Variants in GLIS3 observed in about 807,000 individuals in gnomAD.
GLIS3 encodes the protein zinc finger protein GLIS3.
A neutral mutation model predicts 78.6 loss-of-function variants in GLIS3; 53 were observed. The observed-to-expected ratio is 0.67, with a 90% CI of 0.54 to 0.85. The LOEUF is 0.85. Ranked by LOEUF, GLIS3 falls within the 40% of genes least tolerant of loss-of-function variation. The pLI is 0.00. For missense variants in GLIS3, 1,703 were observed against 1,231.1 expected, an observed-to-expected ratio of 1.38 and a Z score of -5.74; for synonymous variants, 684 against 509.9, an observed-to-expected ratio of 1.34 and a Z score of -4.60.
At chr9:4,427,814 G>A in the GLIS3 span, among the ~76,000 whole-genome samples, 41,758 of 151,436 alleles carry the variant, frequency 0.28, 6,065 homozygotes, top group East Asian at 0.42. Context: ...AGCCAAGATT[G>A]TGCCACTGCA....
At chr9:4,389,009 A>G in the GLIS3 span, among the ~76,000 whole-genome samples, 10 of 152,292 alleles carry the variant, frequency 6.6e-5, no homozygotes, top group South Asian at 6.2e-4. Flanking sequence ...AGGGGATTCT[A>G]TATACAAAAT....
chr9:3,843,651 T>A (rs1320298639), intron 9 of GLIS3, among the ~76,000 whole-genome samples: 1 of 152,220 alleles, frequency 6.6e-6, no homozygotes, highest in East Asian at 1.9e-4. Context: ...GTAAGAGTGA[T>A]TTATAAAACA....
At chr9:4,131,053 T>A (rs760542036) in intron 2 of GLIS3, among the ~76,000 whole-genome samples, 5 of 152,176 alleles carry the variant, frequency 3.3e-5, no homozygotes, top group Non-Finnish European at 5.9e-5. Context: ...TAAGATTTAA[T>A]GACTGCCCTA....
intron 6 of GLIS3, among the ~76,000 whole-genome samples, chr9:3,930,590 T>A (rs2130771405): frequency 6.6e-6 from 1 of 152,312 alleles, no homozygotes; most frequent in African/African-American, 2.4e-5. Flanking sequence ...CCTGAAAATA[T>A]CCCCTGTTAT....
intron 2 of GLIS3, among the ~76,000 whole-genome samples, chr9:4,148,222 T>C (rs1346146050): frequency 6.6e-6 from 1 of 152,194 alleles, no homozygotes; most frequent in East Asian, 1.9e-4. Context: ...TTACTAATTA[T>C]TGCTGATTCT....
intron 2 of GLIS3, among the ~76,000 whole-genome samples, chr9:4,324,016 T>C (rs181722355): frequency 1.3e-5 from 2 of 152,340 alleles, no homozygotes; most frequent in African/African-American, 4.8e-5. Flanking sequence ...TCTGGTCTTT[T>C]TGGGACCCTT....
At chr9:4,090,600 C>T (rs1021234466) in intron 4 of GLIS3, among the ~76,000 whole-genome samples, 9 of 152,164 alleles carry the variant, frequency 5.9e-5, no homozygotes, top group Non-Finnish European at 1.0e-4. Context: ...CAACTGGAAA[C>T]GCTCAGGGTG....
intron 6 of GLIS3, among the ~76,000 whole-genome samples, chr9:3,923,126 T>C (rs1215210082): frequency 6.6e-6 from 1 of 152,244 alleles, no homozygotes; most frequent in Non-Finnish European, 1.5e-5. Flanking sequence ...CTAAAGACTG[T>C]TGATTAATGG....
At chr9:3,841,506 A>G (rs1372624645) in intron 9 of GLIS3, among the ~76,000 whole-genome samples, 1 of 152,238 alleles carries the variant, frequency 6.6e-6, no homozygotes, top group East Asian at 1.9e-4. Context: ...GGGAAGGAGA[A>G]GCAGCACAGG....
At chr9:4,320,490 T>G (rs2130544960) in intron 2 of GLIS3, among the ~76,000 whole-genome samples, 1 of 152,348 alleles carries the variant, frequency 6.6e-6, no homozygotes, top group East Asian at 1.9e-4. Flanking sequence ...TTTCTCTCTG[T>G]CAATACATCT....
intron 2 of GLIS3, among the ~76,000 whole-genome samples, chr9:4,282,583 G>T (rs1004436622): frequency 6.6e-6 from 1 of 152,076 alleles, no homozygotes; most frequent in Non-Finnish European, 1.5e-5. Flanking sequence ...TTCAGACAGG[G>T]ACTACATCGT....
At chr9:4,008,253 A>G (rs1821717897) in intron 4 of GLIS3, among the ~76,000 whole-genome samples, 1 of 152,148 alleles carries the variant, frequency 6.6e-6, no homozygotes, top group African/African-American at 2.4e-5. Context: ...AGCTCAGAGT[A>G]GGCCCTAAAA....
intron 4 of GLIS3, among the ~76,000 whole-genome samples, chr9:4,062,657 G>A (rs1426203567): frequency 1.3e-5 from 2 of 152,242 alleles, no homozygotes; most frequent in African/African-American, 4.8e-5. Flanking sequence ...GCCAGGCACA[G>A]TGGCTCACGC....
At chr9:3,881,816 G>A (rs748412143) in intron 7 of GLIS3, among the ~76,000 whole-genome samples, 4 of 152,212 alleles carry the variant, frequency 2.6e-5, no homozygotes, top group Middle Eastern at 3.4e-3. Context: ...TCTATATATC[G>A]ATTTTACCAA....
chr9:4,107,367 G>A (rs557892000), intron 4 of GLIS3, among the ~76,000 whole-genome samples: 3 of 152,192 alleles, frequency 2.0e-5, no homozygotes, highest in East Asian at 1.9e-4. Context: ...GAGTGCTGCC[G>A]AATGGGATAA....
At chr9:4,184,070 G>GA (rs1033839952) in intron 2 of GLIS3, among the ~76,000 whole-genome samples, 6 of 151,814 alleles carry the variant, frequency 4.0e-5, no homozygotes, top group Non-Finnish European at 7.4e-5. Context: ...AACAAGCACT[G>GA]AAAAAAAATT....
chr9:4,313,452 A>T (rs530300067), intron 2 of GLIS3, among the ~76,000 whole-genome samples: 7 of 151,732 alleles, frequency 4.6e-5, no homozygotes, highest in African/African-American at 1.7e-4. Flanking sequence ...CCACCACCCA[A>T]CTTGAGGTCC....
chr9:4,119,706 T>G (rs1166105763), intron 3 of GLIS3, among the ~76,000 whole-genome samples: 1 of 152,220 alleles, frequency 6.6e-6, no homozygotes, highest in African/African-American at 2.4e-5. Context: ...TTTCTGTAAT[T>G]GACTTTTGCA....
the GLIS3 span, among the ~76,000 whole-genome samples, chr9:4,486,994 G>A: frequency 6.6e-6 from 1 of 152,054 alleles, no homozygotes; most frequent in South Asian, 2.1e-4. Flanking sequence ...CGACACTCCC[G>A]GCTCTATGGT....
Sources: gnomAD v4.1 joint callset for allele counts (sites outside exome capture counted in the v4.1 genomes callset) on GRCh38, gnomAD v4.1.1 for gene constraint, MANE v1.5 for transcripts, NCBI Gene and HGNC (gene_info 2026-07-23, HGNC 2026-07-21) for gene names.